RFX8: variants seen among roughly 807,000 people sequenced by gnomAD.
RFX8 encodes regulatory factor X8, also known as DNA-binding protein RFX8.
Under a neutral mutation model 54.6 loss-of-function variants are expected in RFX8, and 46 were observed. The observed-to-expected ratio is 0.84, with a 90% CI of 0.67 to 1.08. RFX8 has a LOEUF of 1.08. RFX8 is among the 50% of genes least tolerant of loss of function. The pLI, the probability that RFX8 is intolerant of heterozygous loss-of-function variation, is 0.00. For synonymous variants in RFX8, 192 were observed against 209.5 expected, an observed-to-expected ratio of 0.92 and a Z score of 0.72; for missense variants, 536 against 562.3, an observed-to-expected ratio of 0.95 and a Z score of 0.47.
chr2:101,471,522 T>C (rs981697214), intron 1 of RFX8, among the ~76,000 whole-genome samples: 5 of 152,196 alleles, frequency 3.3e-5, no homozygotes, highest in Admixed American at 1.3e-4. Context: ...GAGATAGTTA[T>C]GTAGTCTACA....
At chr2:101,429,530 C>A (rs912097692) in intron 2 of RFX8, among the ~76,000 whole-genome samples, 1 of 152,100 alleles carries the variant, frequency 6.6e-6, no homozygotes, top group East Asian at 1.9e-4. Flanking sequence ...AGACTGGGTC[C>A]TATCTATGCA....
chr2:101,403,526 C>T (rs1429525200), intron 10 of RFX8, among the ~76,000 whole-genome samples: 1 of 152,208 alleles, frequency 6.6e-6, no homozygotes, highest in African/African-American at 2.4e-5. Flanking sequence ...GCGGCTCACG[C>T]CTGTAATCCC....
chr2:101,419,007 C>A, intron 4 of RFX8, 43 bp from the exon 5 acceptor site: 1 of 1,028,036 alleles, frequency 9.7e-7, no homozygotes, highest in South Asian at 1.5e-5. Flanking sequence ...TCGTTTTCCA[C>A]CTCGCAAGAC....
At chr2:101,451,400 C>A (rs905863100) in intron 2 of RFX8, among the ~76,000 whole-genome samples, 7 of 152,108 alleles carry the variant, frequency 4.6e-5, no homozygotes, top group Non-Finnish European at 1.0e-4. Context: ...AGAAATACAA[C>A]CTTGGGGCTG....
intron 2 of RFX8, among the ~76,000 whole-genome samples, chr2:101,424,308 C>A (rs939179763): frequency 6.6e-6 from 1 of 152,072 alleles, no homozygotes; most frequent in African/African-American, 2.4e-5. Context: ...CAAATGACAA[C>A]CACAATGAGA....
At chr2:101,452,242 G>T in intron 2 of RFX8, 1 of 464,590 alleles carries the variant, frequency 2.2e-6, no homozygotes, top group Non-Finnish European at 3.7e-6. Flanking sequence ...TTCAGGCACT[G>T]GGAATTAATG....
rs115654894 is a variant in RFX8, at chr2:101,412,050, T to A, written c.718+865A>T. ...GGTTCATAGGAACTGAGCGGGCAGC[T>A]GTAGACACAGCTGAGAGTACTACCA... On this transcript the variant is annotated intron_variant, in intron 8 of 11. Coordinates refer to ENST00000428343, the MANE Select transcript of RFX8 (RefSeq NM_001145664.2). 4.6e-3 allele frequency among the ~76,000 whole-genome samples: 700 copies of A among 152,240 alleles called. 7 individuals carry two copies. The highest frequency in any genetic ancestry group is 7.0e-3 in the Non-Finnish European group (476 of 68,014).
rs149503617 is a variant in RFX8, at chr2:101,464,633, G to A, written c.72+2144C>T. 2.3e-3 allele frequency among the ~76,000 whole-genome samples: 346 copies of A among 152,240 alleles called. 2 individuals carry two copies. The highest frequency in any genetic ancestry group is 0.014 in the Middle Eastern group (4 of 294). On this transcript the variant is annotated intron_variant, in intron 2 of 11. Transcript: ENST00000428343. ...AATACCAGCTCAACTGATGTGGCCCGTTTTTCAGGCAAATTTCCAATGAGA... is the reference window on the plus strand; with the variant it reads ...AATACCAGCTCAACTGATGTGGCCCATTTTTCAGGCAAATTTCCAATGAGA...
chr2:101,409,614 C>T (rs1276366627), intron 9 of RFX8, among the ~76,000 whole-genome samples: 1 of 152,180 alleles, frequency 6.6e-6, no homozygotes, highest in African/African-American at 2.4e-5. Context: ...ATTCTCCTGC[C>T]TCAACCTCCC....
chr2:101,409,980 C>T (rs907298512), intron 9 of RFX8, among the ~76,000 whole-genome samples: 1 of 152,186 alleles, frequency 6.6e-6, no homozygotes, highest in Non-Finnish European at 1.5e-5. Context: ...TCGAAAGGAT[C>T]AAACCTGCCC....
At chr2:101,419,082 G>T (rs957874443) in intron 4 of RFX8, 118 bp from the exon 5 acceptor site, 1 of 617,474 alleles carries the variant, frequency 1.6e-6, no homozygotes, top group Admixed American at 2.9e-5. Context: ...GTTCCAGTGC[G>T]TGTAAAGCTT....
intron 2 of RFX8, among the ~76,000 whole-genome samples, chr2:101,451,896 C>A (rs1446573832): frequency 1.3e-5 from 2 of 152,110 alleles, no homozygotes; most frequent in East Asian, 3.9e-4. Context: ...GAGTTTGAGA[C>A]CCACCTGGGC....
At chr2:101,428,146 T>A (rs1157265530) in intron 2 of RFX8, among the ~76,000 whole-genome samples, 2 of 151,976 alleles carry the variant, frequency 1.3e-5, no homozygotes, top group African/African-American at 4.8e-5. Context: ...ATACAAAAAT[T>A]AGCCGGCGTG....
chr2:101,401,045 G>A (rs1258170098), intron 11 of RFX8, among the ~76,000 whole-genome samples: 1 of 152,194 alleles, frequency 6.6e-6, no homozygotes, highest in Admixed American at 6.5e-5. Context: ...TGGGGTCAGT[G>A]TTTCGCTGCT....
At chr2:101,472,365 G>A (rs1690053102) in intron 1 of RFX8, among the ~76,000 whole-genome samples, 1 of 152,124 alleles carries the variant, frequency 6.6e-6, no homozygotes, top group Non-Finnish European at 1.5e-5. Flanking sequence ...GCCTCCCAAA[G>A]TGCTGGGATT....
At chr2:101,450,551 G>C in intron 2 of RFX8, 1 of 953,952 alleles carries the variant, frequency 1.0e-6, no homozygotes, top group Non-Finnish European at 1.6e-6. Flanking sequence ...CATTCACCAG[G>C]CTTGTGACCC....
chr2:101,450,366 T>C (rs1037084772), intron 2 of RFX8, among the ~76,000 whole-genome samples: 1 of 152,110 alleles, frequency 6.6e-6, no homozygotes, highest in Admixed American at 6.6e-5. Context: ...ACACTACCGG[T>C]GCACAACACC....
chr2:101,445,228 C>T (rs1301089317), intron 2 of RFX8, among the ~76,000 whole-genome samples: 3 of 152,136 alleles, frequency 2.0e-5, no homozygotes, highest in Admixed American at 6.5e-5. Flanking sequence ...TTTCTTGCTC[C>T]TTGAACTAAT....
intron 7 of RFX8, among the ~76,000 whole-genome samples, chr2:101,414,440 A>AT (rs66524825): frequency 0.83 from 120,288 of 145,486 alleles, 51,137 homozygotes; most frequent in Non-Finnish European, 0.95. Context: ...TAGTTTTTGT[A>AT]TTTTTTTTTT....
Sources: allele counts gnomAD v4.1 joint callset (sites outside exome capture counted in the v4.1 genomes callset), GRCh38; gene constraint gnomAD v4.1.1; transcripts MANE v1.5; gene names NCBI Gene and HGNC (gene_info 2026-07-23, HGNC 2026-07-21).